The following RASSF8 variants were observed in gnomAD, a reference collection of about 807,000 sequenced individuals.
RASSF8 encodes ras association domain-containing protein 8.
In RASSF8, 22 loss-of-function variants were observed where a neutral mutation model predicts 48.5. The ratio of observed to expected loss-of-function variants is 0.45; its 90% CI spans 0.32 to 0.65. The LOEUF is 0.65. Among genes scored for constraint, RASSF8 ranks in the 30% least tolerant of loss-of-function variants. RASSF8 has a pLI of 0.03. For synonymous variants in RASSF8, 127 were observed against 171.5 expected, an observed-to-expected ratio of 0.74 and a Z score of 2.03; for missense variants, 418 against 489.2, an observed-to-expected ratio of 0.85 and a Z score of 1.37.
chr12:26,013,090 C>T (rs1306462514), intron 2 of RASSF8, among the ~76,000 whole-genome samples: 2 of 152,108 alleles, frequency 1.3e-5, no homozygotes, highest in South Asian at 2.1e-4. Flanking sequence ...AAAAACTGAT[C>T]AGGTTTTCAT....
intron 2 of RASSF8, among the ~76,000 whole-genome samples, chr12:25,995,525 A>C (rs1942112783): frequency 1.3e-5 from 2 of 152,190 alleles, no homozygotes; most frequent in South Asian, 4.1e-4. Flanking sequence ...CTAATAATGA[A>C]AGGCTAGAAA....
rs1943976946 is a variant in RASSF8 at position 26,070,554 on chromosome 12, A to G, written c.*1736A>G. The G allele has an allele frequency of 1.0e-6, 1 of 980,292 alleles. No homozygotes were observed. Among genetic ancestry groups the G allele is most frequent in the East Asian group, 1.1e-4 (1 of 8,800 alleles). 60.7% of individuals were successfully genotyped at this position (980,292 alleles called of 1,614,324 possible). ...AATGATTCTTACCTAAATAACCACA[A>G]CCTGTACACATTTGCTCACAATTTA... On this transcript the variant is annotated 3_prime_UTR_variant, in exon 6 of 6. Coordinates refer to ENST00000689635, the MANE Select transcript of RASSF8 (RefSeq NM_001394098.1).
At chr12:25,975,974 G>A (rs1941594689) in intron 1 of RASSF8, among the ~76,000 whole-genome samples, 2 of 152,134 alleles carry the variant, frequency 1.3e-5, no homozygotes, top group Non-Finnish European at 1.5e-5. Flanking sequence ...CAGAAATGGG[G>A]CCCATAATGT....
At chr12:26,059,649 G>T (rs756335114) in intron 3 of RASSF8, among the ~76,000 whole-genome samples, 51 of 151,890 alleles carry the variant, frequency 3.4e-4, no homozygotes, top group Middle Eastern at 3.4e-3. Flanking sequence ...ATATTCATTT[G>T]CAATTTTAAT....
rs1299877777 is a variant in RASSF8 at position 26,070,729 on chromosome 12, G to A, written c.*1911G>A. ...TATAAAGTCATTTTGTTGTTGTTCA[G>A]AGAAATCAAGATCTTATTCACAAAG... On this transcript the variant is annotated 3_prime_UTR_variant, in exon 6 of 6. Coordinates refer to ENST00000689635, the MANE Select transcript of RASSF8 (RefSeq NM_001394098.1). 5 of 965,152 alleles carry A rather than the reference G, an allele frequency of 5.2e-6. No individual in the cohort carries two copies. The African/African-American group carries it at 8.8e-5, about 17-fold the overall frequency. 59.8% of individuals were successfully genotyped at this position (965,152 alleles called of 1,614,324 possible).
intron 2 of RASSF8, among the ~76,000 whole-genome samples, chr12:26,007,934 C>G (rs1942430385): frequency 6.6e-6 from 1 of 152,284 alleles, no homozygotes; most frequent in South Asian, 2.1e-4. Context: ...CATCTCAAGA[C>G]ATTAAATATT....
intron 3 of RASSF8, among the ~76,000 whole-genome samples, chr12:26,061,642 A>G (rs1223395294): frequency 6.6e-6 from 1 of 152,172 alleles, no homozygotes; most frequent in Non-Finnish European, 1.5e-5. Context: ...GAATGTATCC[A>G]TGTGGTCAAA....
intron 2 of RASSF8, chr12:26,052,989 A>T (rs552338865): frequency 6.6e-6 from 1 of 152,316 alleles, no homozygotes; most frequent in East Asian, 1.9e-4. Flanking sequence ...ATAGAAACAG[A>T]ATAGAATGTA....
At chr12:26,060,228 T>A (rs1458404903) in intron 3 of RASSF8, among the ~76,000 whole-genome samples, 1 of 152,210 alleles carries the variant, frequency 6.6e-6, no homozygotes, top group Non-Finnish European at 1.5e-5. Flanking sequence ...AGTAGTGAGC[T>A]TATCATATAA....
chr12:25,974,829 G>A (rs1301925286), intron 1 of RASSF8, among the ~76,000 whole-genome samples: 1 of 152,060 alleles, frequency 6.6e-6, no homozygotes, highest in African/African-American at 2.4e-5. Flanking sequence ...ATGTAGCGTG[G>A]GTAGGGTAGC....
downstream of RASSF8, among the ~76,000 whole-genome samples, chr12:26,073,795 T>TATATATGTATACACACACATATATATAC (rs1944043353): frequency 7.4e-6 from 1 of 135,346 alleles, no homozygotes; most frequent in African/African-American, 3.1e-5. Context: ...ATACACATTA[T>TATATATGTATACACACACATATATATAC]GTATACACAC....
intron 2 of RASSF8, among the ~76,000 whole-genome samples, chr12:26,053,299 TTAATGAA>T (rs1943533558): frequency 6.6e-6 from 1 of 152,164 alleles, no homozygotes; most frequent in Non-Finnish European, 1.5e-5. Context: ...TTAAGATATT[TTAATGAA>T]TAAGAAGGCA....
At chr12:26,061,076 A>G (rs1367146427) in intron 3 of RASSF8, among the ~76,000 whole-genome samples, 1 of 152,132 alleles carries the variant, frequency 6.6e-6, no homozygotes, top group Non-Finnish European at 1.5e-5. Flanking sequence ...TCTGACACAT[A>G]TGTGGTGTTC....
intron 1 of RASSF8, among the ~76,000 whole-genome samples, chr12:25,979,172 A>G (rs147517216): frequency 1.2e-4 from 18 of 152,286 alleles, no homozygotes; most frequent in Non-Finnish European, 1.0e-4. Context: ...GACAGATTGG[A>G]CACGTTGGTA....
intron 1 of RASSF8, among the ~76,000 whole-genome samples, chr12:25,978,358 G>A (rs1235228833): frequency 6.6e-6 from 1 of 152,154 alleles, no homozygotes; most frequent in Non-Finnish European, 1.5e-5. Flanking sequence ...AAGAGCACCT[G>A]CAGTGGCAGT....
At chr12:26,037,844 G>A (rs1364732549) in intron 2 of RASSF8, among the ~76,000 whole-genome samples, 1 of 152,176 alleles carries the variant, frequency 6.6e-6, no homozygotes, top group Non-Finnish European at 1.5e-5. Flanking sequence ...ACCACAGCAA[G>A]CTTGTTTTCT....
chr12:25,970,109 T>TC (rs1941450658), intron 1 of RASSF8, among the ~76,000 whole-genome samples: 1 of 152,056 alleles, frequency 6.6e-6, no homozygotes, highest in African/African-American at 2.4e-5. Context: ...TTTTTTTTTT[T>TC]TTGGTGAGAG....
At chr12:26,060,682 A>G (rs1361076935) in intron 3 of RASSF8, among the ~76,000 whole-genome samples, 4 of 152,288 alleles carry the variant, frequency 2.6e-5, no homozygotes, top group South Asian at 4.2e-4. Flanking sequence ...TGTGTTCACT[A>G]GAGTTTGCAT....
chr12:25,960,118 T>C (rs1941195316), intron 1 of RASSF8, among the ~76,000 whole-genome samples: 2 of 152,148 alleles, frequency 1.3e-5, no homozygotes, highest in African/African-American at 4.8e-5. Context: ...AGATTGTGGC[T>C]CAGCAATTCA....
Sources: gnomAD v4.1 joint callset for allele counts (sites outside exome capture counted in the v4.1 genomes callset) on GRCh38, gnomAD v4.1.1 for gene constraint, MANE v1.5 for transcripts, NCBI Gene and HGNC (gene_info 2026-07-23, HGNC 2026-07-21) for gene names.